Variants in GANC observed in about 807,000 individuals in gnomAD.
GANC encodes neutral alpha-glucosidase C.
In GANC, 117 loss-of-function variants were observed where a neutral mutation model predicts 124.2. The ratio of observed to expected loss-of-function variants is 0.94; its 90% CI spans 0.81 to 1.10. The LOEUF (loss-of-function observed/expected upper bound fraction) is 1.10. Ranked by LOEUF, GANC falls within the 50% of genes least tolerant of loss-of-function variation. The pLI, the probability that GANC is intolerant of heterozygous loss-of-function variation, is 0.00. For synonymous variants in GANC, 377 were observed against 376.8 expected, an observed-to-expected ratio of 1.00 and a Z score of -0.01; for missense variants, 1,140 against 1,095.0, an observed-to-expected ratio of 1.04 and a Z score of -0.58.
chr15:42,302,382 C>A (rs946164256), intron 6 of GANC, among the ~76,000 whole-genome samples: 3 of 152,134 alleles, frequency 2.0e-5, no homozygotes, highest in Non-Finnish European at 4.4e-5. Context: ...TAGATAAATC[C>A]ATGAAAGTAA....
chr15:42,330,818 C>G lies in GANC; in HGVS notation c.1741+146C>G. 5.1e-6 allele frequency: 3 copies of G among 583,068 alleles called. No individual in the cohort carries two copies. The South Asian group carries it at 6.1e-5, about 12-fold the overall frequency. 36.1% of individuals were successfully genotyped at this position (583,068 alleles called of 1,614,324 possible). A position where few individuals can be genotyped will look rare whatever the true frequency, so the allele number is the denominator to read the frequency against. On this transcript the variant is annotated intron_variant, in intron 15 of 23. Coordinates refer to ENST00000318010, the MANE Select transcript of GANC (RefSeq NM_198141.3). ...CATTTGTTTGTTTGAAACAGAGTCTCGCTTTGTCACCCAGGCTGGAGTGCA... is the reference window on the plus strand; with the variant it reads ...CATTTGTTTGTTTGAAACAGAGTCTGGCTTTGTCACCCAGGCTGGAGTGCA...
Position 42,310,825 on chromosome 15 carries a change from A to G in GANC, c.1036A>G (p.Lys346Glu). The G allele has an allele frequency of 6.2e-7, 1 of 1,614,008 alleles. No homozygotes were observed. The highest frequency in any genetic ancestry group is 8.5e-7 in the Non-Finnish European group (1 of 1,179,858). Residue 346 changes from lysine (K) to glutamate (E), a missense_variant, in exon 10 of 24, where the codon AAA (lysine) becomes GAA (glutamate). Lys to Glu is a moderately conservative substitution (Grantham distance 56). Transcript: ENST00000318010. ...LTGPTPSDVF[K>E]QYSHLTGTQA... Reference sequence around the variant, plus strand: ...AGGACCTACACCTTCTGATGTCTTCAAACAGTACTCACACCTTACAGGTAT... The same window carrying G: ...AGGACCTACACCTTCTGATGTCTTCGAACAGTACTCACACCTTACAGGTAT...
In GANC at chr15:42,351,414, G is replaced by A. The variant is rs773253506; in HGVS notation, c.2617G>A (p.Val873Met). Residue 873 changes from valine to methionine, a missense_variant, in exon 23 of 24, where the codon GTG becomes ATG. Physicochemically the swap from Val to Met is conservative, Grantham distance 21. Coordinates refer to ENST00000318010, the MANE Select transcript of GANC (RefSeq NM_198141.3). ...AGGCTTCAGGAAGGAGCCATCTTCT[G>A]TGACTACCCACTCATCTGGTGAGAA... ...VLGFRKEPSSVTTHSSDGKDQ... is the reference protein window; with the variant it reads ...VLGFRKEPSSMTTHSSDGKDQ... 5 of 1,612,944 alleles carry A rather than the reference G, an allele frequency of 3.1e-6. No individual in the cohort carries two copies. The highest frequency in any genetic ancestry group is 2.2e-5 in the East Asian group (1 of 44,874).
rs115312422 is a variant in GANC, at chr15:42,353,289, A to G, written c.*1150A>G. 3,609 of 985,996 alleles carry G rather than the reference A, an allele frequency of 3.7e-3. 97 individuals carry two copies. In the African/African-American group the frequency reaches 0.06, roughly 16 times the overall value. 61.1% of individuals were successfully genotyped at this position (985,996 alleles called of 1,614,324 possible). Reference sequence around the variant, plus strand: ...GCTTCCTCCACTTAGCAACTTGCTAACGGCCACCTCTGTGCCTTCTGATCC... The same window carrying G: ...GCTTCCTCCACTTAGCAACTTGCTAGCGGCCACCTCTGTGCCTTCTGATCC... On this transcript the variant is annotated 3_prime_UTR_variant, in exon 24 of 24. Transcript: ENST00000318010.
chr15:42,324,626 G>A (rs1323909480), intron 11 of GANC, among the ~76,000 whole-genome samples: 4 of 152,038 alleles, frequency 2.6e-5, no homozygotes, highest in Non-Finnish European at 5.9e-5. Context: ...TTAAAACGAA[G>A]GAAATTCTAA....
chr15:42,312,367 G>A (rs1052583326), intron 10 of GANC, among the ~76,000 whole-genome samples: 4 of 152,152 alleles, frequency 2.6e-5, no homozygotes, highest in African/African-American at 9.7e-5. Flanking sequence ...TACTGTTCTC[G>A]TGATAGTGAA....
intron 13 of GANC, among the ~76,000 whole-genome samples, chr15:42,328,484 C>T (rs1467764095): frequency 2.0e-5 from 3 of 146,642 alleles, no homozygotes; most frequent in South Asian, 2.2e-4. Flanking sequence ...TAGAAGAACA[C>T]ACATGTTTAG....
chr15:42,340,063 C>T lies in GANC; in HGVS notation c.2087+151C>T, dbSNP rs1387836702. The T allele has an allele frequency of 3.2e-5, 34 of 1,057,708 alleles. 1 individual carries two copies. The South Asian group carries it at 3.3e-4, about 10-fold the overall frequency. 65.5% of individuals were successfully genotyped at this position (1,057,708 alleles called of 1,614,324 possible). A position where few individuals can be genotyped will look rare whatever the true frequency, so the allele number is the denominator to read the frequency against. On this transcript the variant is annotated intron_variant, in intron 17 of 23. Coordinates refer to ENST00000318010, the MANE Select transcript of GANC (RefSeq NM_198141.3). ...AAGTTTCAATAAGCTTATTGAGCAGCGCGGTGAACAGGGTGCTGGCTGTTG... is the reference window on the plus strand; with the variant it reads ...AAGTTTCAATAAGCTTATTGAGCAGTGCGGTGAACAGGGTGCTGGCTGTTG...
At chr15:42,329,475 T>C in intron 14 of GANC, 26 bp downstream of exon 14, 1 of 1,587,524 alleles carries the variant, frequency 6.3e-7, no homozygotes, top group African/African-American at 1.3e-5. Flanking sequence ...AGAATTAAAC[T>C]GGGCTTGTGT....
In GANC at chr15:42,293,487, A is replaced by G. The variant is rs532796710; in HGVS notation, c.512+570A>G. ...GATCTGCAGAAAGCATTCAACATTC[A>G]TTATTCCAACATAGTCATTTTTCTG... On this transcript the variant is annotated intron_variant, in intron 5 of 23. Transcript: ENST00000318010. Among the ~76,000 whole-genome samples the G allele has an allele frequency of 5.3e-5, 8 of 152,266 alleles. No homozygotes were observed. In the South Asian group the frequency reaches 1.5e-3, roughly 28 times the overall value.
At chr15:42,350,022 CTTTTTTTTTTTTT>C (rs753077889) in intron 22 of GANC, among the ~76,000 whole-genome samples, 1 of 75,036 alleles carries the variant, frequency 1.3e-5, no homozygotes, top group Non-Finnish European at 2.5e-5. Context: ...CTTTCCCCCA[CTTTTTTTTTTTTT>C]TTTTTTTTTT....
intron 15 of GANC, among the ~76,000 whole-genome samples, chr15:42,332,710 T>C (rs79385066): frequency 0.059 from 8,977 of 151,884 alleles, 384 homozygotes; most frequent in South Asian, 0.16. Context: ...AAAAGAACAA[T>C]CCCTGGAAAA....
intron 6 of GANC, among the ~76,000 whole-genome samples, chr15:42,301,603 A>T (rs2051946793): frequency 6.6e-6 from 1 of 152,092 alleles, no homozygotes; most frequent in African/African-American, 2.4e-5. Context: ...AGATCCACTG[A>T]GTTGAAATTC....
At chr15:42,332,524 G>A (rs184568805) in intron 15 of GANC, among the ~76,000 whole-genome samples, 9 of 152,182 alleles carry the variant, frequency 5.9e-5, no homozygotes, top group East Asian at 3.9e-4. Context: ...AGTCATATGC[G>A]ATGATCAATA....
At chr15:42,313,900 A>C (rs1270598061) in intron 10 of GANC, 7 of 594,000 alleles carry the variant, frequency 1.2e-5, no homozygotes, top group African/African-American at 1.1e-4. Flanking sequence ...TGCAGTAAGC[A>C]CTGTTCATGC....
In GANC at chr15:42,326,455, C is replaced by G. The variant is rs115836450; in HGVS notation, c.1420+31C>G. 4,174 of 1,613,250 alleles carry G rather than the reference C, an allele frequency of 2.6e-3. 92 individuals are homozygous for G. The African/African-American group carries it at 0.05, about 19-fold the overall frequency. Reference sequence around the variant, plus strand: ...AAATCACTTTATACACTTATTATTTCCACATGTTCTGTCCCAATTAATGAA... The same window carrying G: ...AAATCACTTTATACACTTATTATTTGCACATGTTCTGTCCCAATTAATGAA... On this transcript the variant is annotated intron_variant, in intron 12 of 23. Transcript: ENST00000318010.
intron 21 of GANC, among the ~76,000 whole-genome samples, chr15:42,348,934 A>T (rs1294661652): frequency 6.6e-6 from 1 of 152,220 alleles, no homozygotes; most frequent in East Asian, 1.9e-4. Context: ...CTAGCGATCC[A>T]TATCCTCCTA....
chr15:42,353,176 C>T lies in GANC; in HGVS notation c.*1037C>T, dbSNP rs113612542. On this transcript the variant is annotated 3_prime_UTR_variant, in exon 24 of 24. Coordinates refer to ENST00000318010, the MANE Select transcript of GANC (RefSeq NM_198141.3). ...GTCATGGTGCCCAAGGCTCCACAGACCTCAGTGGCTCCCTGCTGCCTGCCA... is the reference window on the plus strand; with the variant it reads ...GTCATGGTGCCCAAGGCTCCACAGATCTCAGTGGCTCCCTGCTGCCTGCCA... The T allele has an allele frequency of 1.6e-4, 153 of 985,808 alleles. No homozygotes were observed. Among genetic ancestry groups the T allele is most frequent in the Non-Finnish European group, 1.6e-4 (131 of 830,064 alleles). 61.1% of individuals were successfully genotyped at this position (985,808 alleles called of 1,614,324 possible). A position where few individuals can be genotyped will look rare whatever the true frequency, so the allele number is the denominator to read the frequency against.
intron 6 of GANC, among the ~76,000 whole-genome samples, chr15:42,302,325 C>A (rs2051953157): frequency 6.6e-6 from 1 of 152,132 alleles, no homozygotes; most frequent in Admixed American, 6.5e-5. Context: ...AAAAGGACGT[C>A]CACACAAAAA....
Sources: allele counts gnomAD v4.1 joint callset (sites outside exome capture counted in the v4.1 genomes callset), GRCh38; gene constraint gnomAD v4.1.1; transcripts MANE v1.5; gene names NCBI Gene and HGNC (gene_info 2026-07-23, HGNC 2026-07-21).